PYM1: variants seen among roughly 807,000 people sequenced by gnomAD.
The protein encoded by PYM1 is PYM1 exon junction complex associated factor.
A neutral mutation model predicts 20.7 loss-of-function variants in PYM1; 7 were observed. That is an observed-to-expected ratio of 0.34 (90% CI 0.19 to 0.64). The LOEUF (loss-of-function observed/expected upper bound fraction) is 0.64. PYM1 is among the 30% of genes least tolerant of loss of function. The pLI is 0.74. For missense variants in PYM1, 194 were observed against 250.0 expected (o/e 0.78, Z 1.51); for synonymous variants, 100 against 99.2 (o/e 1.01, Z -0.05).
At chr12:55,902,740 G>A (rs922368287) in intron 2 of PYM1, among the ~76,000 whole-genome samples, 2 of 151,070 alleles carry the variant, frequency 1.3e-5, no homozygotes, top group African/African-American at 4.9e-5. Context: ...GCCTCCCAAA[G>A]TGCTTGGGAT....
intron 1 of PYM1, chr12:55,927,243 TGGAGGA>T: frequency 7.6e-7 from 1 of 1,307,790 alleles, no homozygotes; most frequent in Non-Finnish European, 1.1e-6. Context: ...TGGGCGGAGG[TGGAGGA>T]GGAGGAAGAG....
rs1466529643 is a variant in PYM1 at position 55,922,840 on chromosome 12, G to C, written c.37+4885C>G. ...AGGTCATGGAAAACAAGGAAAGCCT[G>C]AGAAAATGTCACAGCCAAGAGGAGC... On this transcript the variant is annotated intron_variant, in intron 1 of 2. Transcript: ENST00000408946. 3.9e-5 allele frequency among the ~76,000 whole-genome samples: 6 copies of C among 152,266 alleles called. No homozygotes were observed. In the South Asian group the frequency reaches 1.0e-3, roughly 26 times the overall value.
chr12:55,915,141 G>C (rs141666477), intron 1 of PYM1, among the ~76,000 whole-genome samples: 3 of 150,830 alleles, frequency 2.0e-5, no homozygotes, highest in African/African-American at 7.4e-5. Context: ...CTTGAAGGCG[G>C]GAGGCAGAGG....
intron 1 of PYM1, among the ~76,000 whole-genome samples, chr12:55,923,966 C>A (rs943006226): frequency 1.3e-5 from 2 of 151,908 alleles, no homozygotes; most frequent in African/African-American, 4.8e-5. Context: ...ATCCCAGCTA[C>A]TCAGGAGGCT....
chr12:55,907,634 GA>G (rs112040261), intron 1 of PYM1, among the ~76,000 whole-genome samples: 23 of 126,436 alleles, frequency 1.8e-4, no homozygotes, highest in East Asian at 4.6e-4. Context: ...CTTCGTCTGG[GA>G]AAAAAAAAAA....
intron 1 of PYM1, among the ~76,000 whole-genome samples, chr12:55,922,705 G>A (rs1433034355): frequency 6.6e-6 from 1 of 152,108 alleles, no homozygotes; most frequent in African/African-American, 2.4e-5. Context: ...TACCTCTGTG[G>A]TCTTCCTCCC....
chr12:55,914,238 C>T (rs1882969477), intron 1 of PYM1: 3 of 698,714 alleles, frequency 4.3e-6, no homozygotes, highest in Non-Finnish European at 7.8e-6. Context: ...TGTGGAAGCC[C>T]TCAGAGATAC....
Position 55,902,178 on chromosome 12 carries a change from T to C in PYM1, c.309A>G (p.Lys103=), listed in dbSNP as rs776230176. ...TCCTGCTCAAGGCCTCTGCCTCTCC[T>C]TTCTCTTGCTGCTGCCGCCTCTTCT... ...RKEKRRQQQE[K]GEAEALSRTL... is the part of the protein sequence containing the mutation. The change falls in exon 3 of 3, where the codon AAA becomes AAG. Residue 103 remains lysine (K), a synonymous_variant. Transcript: ENST00000408946. 6.2e-7 allele frequency: 1 copy of C among 1,614,162 alleles called. No individual in the cohort carries two copies. The highest frequency in any genetic ancestry group is 8.5e-7 in the Non-Finnish European group (1 of 1,180,040).
At chr12:55,927,615 A>C in intron 1 of PYM1, 110 bp downstream of exon 1, 1 of 1,399,420 alleles carries the variant, frequency 7.1e-7, no homozygotes, top group Non-Finnish European at 9.7e-7. Flanking sequence ...TCTAACCCTA[A>C]GAAGGTGGGG....
intron 1 of PYM1, among the ~76,000 whole-genome samples, chr12:55,906,818 T>C (rs1882824990): frequency 6.6e-6 from 1 of 151,924 alleles, no homozygotes; most frequent in Non-Finnish European, 1.5e-5. Flanking sequence ...CTGGCTAATT[T>C]TGTGTTTTTA....
chr12:55,913,547 G>A (rs541070201), intron 1 of PYM1, among the ~76,000 whole-genome samples: 1 of 152,094 alleles, frequency 6.6e-6, no homozygotes, highest in Admixed American at 6.6e-5. Context: ...AGATTAAACT[G>A]AAAAATGTGT....
Position 55,902,016 on chromosome 12 carries a change from T to G in PYM1, c.471A>C (p.Leu157=). The part of the protein sequence containing the change: ...TTEKAKKIKN[L]KKKLRQVEEL... ...CTTCCACCTGCCGGAGTTTCTTCTT[T>G]AGGTTCTTTATCTTCTTGGCTTTCT... The change falls in exon 3 of 3, where the codon CTA becomes CTC. Residue 157 remains leucine, a synonymous_variant. Coordinates refer to ENST00000408946, the MANE Select transcript of PYM1 (RefSeq NM_032345.3). 6.2e-7 allele frequency: 1 copy of G among 1,614,158 alleles called. No homozygotes were observed. The highest frequency in any genetic ancestry group is 8.5e-7 in the Non-Finnish European group (1 of 1,180,024).
intron 1 of PYM1, among the ~76,000 whole-genome samples, chr12:55,923,464 G>A (rs892289043): frequency 1.3e-5 from 2 of 150,970 alleles, no homozygotes; most frequent in Non-Finnish European, 2.9e-5. Context: ...TACTCAGTAG[G>A]TTGAGATGTG....
intron 1 of PYM1, among the ~76,000 whole-genome samples, chr12:55,905,921 TTATATATATCTAA>T: frequency 9.7e-6 from 1 of 103,160 alleles, no homozygotes; most frequent in African/African-American, 4.6e-5. Context: ...ATATATATTA[TTATATATATCTAA>T]TAGATATATA....
chr12:55,921,109 T>C (rs1258737433), intron 1 of PYM1, among the ~76,000 whole-genome samples: 1 of 152,142 alleles, frequency 6.6e-6, no homozygotes, highest in Non-Finnish European at 1.5e-5. Context: ...GTCACAGTAA[T>C]ATTTGCAGAA....
intron 1 of PYM1, among the ~76,000 whole-genome samples, chr12:55,905,052 A>G (rs868428998): frequency 6.6e-6 from 1 of 151,426 alleles, no homozygotes; most frequent in Admixed American, 6.6e-5. Context: ...CCCAGGCTGG[A>G]GTGCAGTGGC....
intron 1 of PYM1, among the ~76,000 whole-genome samples, chr12:55,918,489 C>A (rs1476063117): frequency 6.6e-6 from 1 of 152,136 alleles, no homozygotes; most frequent in Non-Finnish European, 1.5e-5. Context: ...TCCCAGCACA[C>A]TAGGAGGCTG....
chr12:55,905,881 T>C (rs1248479516), intron 1 of PYM1, among the ~76,000 whole-genome samples: 3 of 114,408 alleles, frequency 2.6e-5, no homozygotes, highest in African/African-American at 9.7e-5. Context: ...ATCTATTAGA[T>C]ATATATATTA....
At chr12:55,926,074 T>C (rs1883181801) in intron 1 of PYM1, among the ~76,000 whole-genome samples, 1 of 152,216 alleles carries the variant, frequency 6.6e-6, no homozygotes, top group Admixed American at 6.5e-5. Context: ...AAACACCGTG[T>C]GTACCAAGGC....
Sources: gnomAD v4.1 joint callset for allele counts (sites outside exome capture counted in the v4.1 genomes callset) on GRCh38, gnomAD v4.1.1 for gene constraint, MANE v1.5 for transcripts, NCBI Gene and HGNC (gene_info 2026-07-23, HGNC 2026-07-21) for gene names.